Variants in GRID2 observed in about 807,000 individuals in gnomAD.
GRID2 encodes glutamate ionotropic receptor delta type subunit 2, also known as glutamate receptor ionotropic, delta-2.
Under a neutral mutation model 114.8 loss-of-function variants are expected in GRID2, and 33 were observed. The ratio of observed to expected loss-of-function variants is 0.29; its 90% CI spans 0.22 to 0.38. GRID2 has a LOEUF of 0.38. Ranked by LOEUF, GRID2 falls within the 10% of genes least tolerant of loss-of-function variation. The pLI, the probability that GRID2 is intolerant of heterozygous loss-of-function variation, is 1.00. For missense variants in GRID2, 1,184 were observed against 1,257.7 expected (o/e 0.94, Z 0.89); for synonymous variants, 505 against 449.9 (o/e 1.12, Z -1.55).
intron 14 of GRID2, among the ~76,000 whole-genome samples, chr4:93,762,430 G>A (rs1052591112): frequency 3.9e-5 from 6 of 152,220 alleles, no homozygotes; most frequent in African/African-American, 1.4e-4. Flanking sequence ...AATTGAAGAA[G>A]TACCAAAAGG....
At chr4:92,729,887 CT>C (rs1736250481) in intron 2 of GRID2, among the ~76,000 whole-genome samples, 1 of 151,692 alleles carries the variant, frequency 6.6e-6, no homozygotes, top group African/African-American at 2.4e-5. Flanking sequence ...GTACTAAAAC[CT>C]CAAAATTGGT....
chr4:92,927,605 C>A (rs1399047682), intron 2 of GRID2, among the ~76,000 whole-genome samples: 3 of 151,744 alleles, frequency 2.0e-5, no homozygotes, highest in African/African-American at 7.3e-5. Context: ...CCATGCCTGA[C>A]CTTTGCTCTA....
chr4:92,546,562 G>A (rs187219367), intron 1 of GRID2, among the ~76,000 whole-genome samples: 28 of 152,236 alleles, frequency 1.8e-4, no homozygotes, highest in Admixed American at 6.5e-4. Context: ...GTGCGCGCGC[G>A]TGTGCATGCA....
At chr4:93,164,856 AT>A (rs1186654254) in intron 4 of GRID2, 1 of 313,098 alleles carries the variant, frequency 3.2e-6, no homozygotes, top group Non-Finnish European at 6.8e-6. Flanking sequence ...CTGTTCTCTA[AT>A]TCATGCGTAC....
chr4:92,469,116 G>A (rs1179905544), intron 1 of GRID2, among the ~76,000 whole-genome samples: 1 of 152,070 alleles, frequency 6.6e-6, no homozygotes, highest in African/African-American at 2.4e-5. Flanking sequence ...ACATACTTAA[G>A]AAACTTCACT....
intron 2 of GRID2, among the ~76,000 whole-genome samples, chr4:92,935,688 T>C (rs1750615031): frequency 6.8e-6 from 1 of 146,868 alleles, no homozygotes; most frequent in South Asian, 2.3e-4. Context: ...ATATACACCA[T>C]GGAATACTAT....
chr4:93,247,653 A>G (rs1259821373), intron 8 of GRID2, among the ~76,000 whole-genome samples: 3 of 151,988 alleles, frequency 2.0e-5, no homozygotes, highest in African/African-American at 4.8e-5. Context: ...CTGGTTCTCT[A>G]GTTTCCAGAT....
At chr4:93,245,717 C>T (rs1748132305) in intron 8 of GRID2, among the ~76,000 whole-genome samples, 1 of 152,090 alleles carries the variant, frequency 6.6e-6, no homozygotes, top group South Asian at 2.1e-4. Flanking sequence ...CTTTGGACTT[C>T]AAAGCAAATT....
rs560596700 is a variant in GRID2, at chr4:93,462,902, T to G, written c.1858+6928T>G. 2.0e-5 allele frequency among the ~76,000 whole-genome samples: 3 copies of G among 152,282 alleles called. No homozygotes were observed. The East Asian group carries it at 5.8e-4, about 29-fold the overall frequency. On this transcript the variant is annotated intron_variant, in intron 11 of 15. Transcript: ENST00000282020. ...GACTAGCTCTGTTGTTTACTGACCCTAGTGAACAGAGGAAAAATGAGAGTA... is the reference window on the plus strand; with the variant it reads ...GACTAGCTCTGTTGTTTACTGACCCGAGTGAACAGAGGAAAAATGAGAGTA...
intron 4 of GRID2, among the ~76,000 whole-genome samples, chr4:93,197,450 G>T (rs1741611460): frequency 6.6e-6 from 1 of 152,126 alleles, no homozygotes; most frequent in Non-Finnish European, 1.5e-5. Flanking sequence ...ATCTACGTGT[G>T]TGTGTGTATA....
chr4:92,761,056 A>C (rs879760195), intron 2 of GRID2, among the ~76,000 whole-genome samples: 1 of 152,116 alleles, frequency 6.6e-6, no homozygotes, highest in Non-Finnish European at 1.5e-5. Flanking sequence ...TTTACTGCCT[A>C]TTTTAACTAC....
intron 13 of GRID2, among the ~76,000 whole-genome samples, chr4:93,526,031 C>A (rs1298517041): frequency 1.3e-5 from 2 of 152,044 alleles, no homozygotes; most frequent in Non-Finnish European, 2.9e-5. Context: ...TGGGTAAATA[C>A]CAAAAATTAA....
intron 8 of GRID2, among the ~76,000 whole-genome samples, chr4:93,314,593 A>G (rs1756382658): frequency 6.6e-6 from 1 of 152,102 alleles, no homozygotes; most frequent in Non-Finnish European, 1.5e-5. Context: ...CTTGAAGTTT[A>G]TCTTATTAAT....
At chr4:93,459,206 AAGAT>A (rs1263759898) in intron 11 of GRID2, among the ~76,000 whole-genome samples, 19 of 148,056 alleles carry the variant, frequency 1.3e-4, no homozygotes, top group Admixed American at 1.2e-3. Context: ...AAAAAAAAAA[AAGAT>A]AGAGTAGTTA....
intron 2 of GRID2, among the ~76,000 whole-genome samples, chr4:92,818,615 T>C (rs1418551837): frequency 1.3e-5 from 2 of 152,096 alleles, no homozygotes; most frequent in Non-Finnish European, 2.9e-5. Flanking sequence ...AAGTGGCAAA[T>C]ATATGAGGAA....
At chr4:92,322,566 A>C (rs1726368212) in intron 1 of GRID2, among the ~76,000 whole-genome samples, 1 of 152,094 alleles carries the variant, frequency 6.6e-6, no homozygotes, top group Non-Finnish European at 1.5e-5. Flanking sequence ...ACCCACAAAA[A>C]TTAAAAAGTG....
At chr4:93,076,030 A>G (rs1445902258) in intron 2 of GRID2, among the ~76,000 whole-genome samples, 3 of 150,938 alleles carry the variant, frequency 2.0e-5, no homozygotes, top group Non-Finnish European at 3.0e-5. Flanking sequence ...CAGCCTCCCA[A>G]GTAGCTGGGA....
intron 8 of GRID2, among the ~76,000 whole-genome samples, chr4:93,377,852 T>A (rs1763511615): frequency 6.6e-6 from 1 of 151,046 alleles, no homozygotes; most frequent in Non-Finnish European, 1.5e-5. Context: ...AAAAGCATTC[T>A]GGAAAAAAAA....
At chr4:92,410,702 C>T in intron 1 of GRID2, among the ~76,000 whole-genome samples, 1 of 152,062 alleles carries the variant, frequency 6.6e-6, no homozygotes, top group East Asian at 1.9e-4. Context: ...CATAGCAATA[C>T]AGATTAATAA....
Sources: allele counts gnomAD v4.1 joint callset (sites outside exome capture counted in the v4.1 genomes callset), GRCh38; gene constraint gnomAD v4.1.1; transcripts MANE v1.5; gene names NCBI Gene and HGNC (gene_info 2026-07-23, HGNC 2026-07-21).